The following NOS3 variants were observed in gnomAD, a reference collection of about 807,000 sequenced individuals.
NOS3 encodes nitric oxide synthase 3, also known as NOS type III.
In NOS3, 98 loss-of-function variants were observed where a neutral mutation model predicts 144.9. The ratio of observed to expected loss-of-function variants is 0.68; its 90% CI spans 0.57 to 0.80. NOS3 has a LOEUF of 0.80. Ranked by LOEUF, NOS3 falls within the 30% of genes least tolerant of loss-of-function variation. The probability of loss-of-function intolerance (pLI) is 0.00; values close to 1 mark genes in which losing one functional copy is unlikely to be tolerated. For missense variants in NOS3, 1,465 were observed against 1,656.4 expected, an observed-to-expected ratio of 0.88 and a Z score of 2.01; for synonymous variants, 714 against 702.4, an observed-to-expected ratio of 1.02 and a Z score of -0.26.
In NOS3 at chr7:150,999,100, G is replaced by A. The variant is rs549523090; in HGVS notation, c.956+15G>A. 3.0e-5 allele frequency: 48 copies of A among 1,612,552 alleles called. No individual in the cohort carries two copies. In the South Asian group the frequency reaches 4.9e-4, roughly 17 times the overall value. ...GAGCACCCCACGTGAGCACCAAAGG[G>A]ATTGACTGGGTGGGATGGAGGGGGC... On this transcript the variant is annotated intron_variant, in intron 8 of 26. Transcript: ENST00000297494.
intron 25 of NOS3, 73 bp downstream of exon 25, chr7:151,013,452 G>A (rs1221991069): frequency 3.3e-5 from 50 of 1,524,458 alleles, no homozygotes; most frequent in East Asian, 4.6e-5. Context: ...CTCCAGCGGG[G>A]CACACCAACC....
intron 21 of NOS3, 49 bp from the exon 22 acceptor site, chr7:151,010,548 A>G: frequency 2.0e-6 from 3 of 1,481,624 alleles, no homozygotes; most frequent in South Asian, 2.7e-5. Context: ...AAGGGAGGTT[A>G]CTAGGAAGGG....
At position 151,008,943 on chromosome 7, in the gene NOS3, C is replaced by A; in HGVS notation, c.2126C>A (p.Thr709Asn). The A allele has an allele frequency of 6.2e-7, 1 of 1,609,806 alleles. No individual in the cohort carries two copies. The highest frequency in any genetic ancestry group is 8.5e-7 in the Non-Finnish European group (1 of 1,178,784). Residue 709 changes from threonine to asparagine, a missense_variant, in exon 18 of 27, where the codon ACC becomes AAC. Thr to Asn is a moderately conservative substitution (Grantham distance 65). Transcript: ENST00000297494. Reference protein sequence around the residue: ...AQAAFQAACETFCVGEDAKAA... With the variant: ...AQAAFQAACENFCVGEDAKAA... The stretch of plus-strand genomic sequence containing the variant: ...CCTGTCCCGCAGGCCGCCTGTGAGA[C>A]CTTCTGTGTGGGAGAGGATGCCAAG...
chr7:151,011,967 C>A, intron 23 of NOS3: 1 of 290,702 alleles, frequency 3.4e-6, no homozygotes, highest in East Asian at 1.0e-4. Flanking sequence ...TTCAAATCCA[C>A]CCAGGTGGCT....
intron 14 of NOS3, among the ~76,000 whole-genome samples, chr7:151,004,206 G>A (rs1458761694): frequency 1.8e-4 from 28 of 152,250 alleles, no homozygotes; most frequent in Non-Finnish European, 3.2e-4. Flanking sequence ...GCATGGTGGC[G>A]CACGCCTATA....
At position 151,001,406 on chromosome 7, in the gene NOS3, C is replaced by A. The variant is rs1795092837; in HGVS notation, c.1409C>A (p.Ser470Tyr). The A allele has an allele frequency of 6.3e-7, 1 of 1,589,848 alleles. No homozygotes were observed. The highest frequency in any genetic ancestry group is 8.6e-7 in the Non-Finnish European group (1 of 1,166,770). ...FHQEMVNYFLSPAFRYQPDPW... is the reference protein window; with the variant it reads ...FHQEMVNYFLYPAFRYQPDPW... ...CAGGAGATGGTCAACTATTTCCTGT[C>A]CCCGGCCTTCCGCTACCAGGTGCCC... Residue 470 changes from serine to tyrosine, a missense_variant, in exon 11 of 27, where the codon TCC (serine) becomes TAC (tyrosine). Physicochemically the swap from Ser to Tyr is moderately radical, Grantham distance 144. Around this residue, in one of 5 missense-constraint regions of NOS3, gnomAD observed 745 missense variants for 853.9 expected, o/e 0.87. Transcript: ENST00000297494.
Position 151,006,947 on chromosome 7 carries a change from C to A in NOS3, c.1879C>A (p.Arg627=), listed in dbSNP as rs771851939. The change falls in exon 16 of 27, where the codon CGG becomes AGG. Residue 627 remains arginine, a synonymous_variant. Coordinates refer to ENST00000297494, the MANE Select transcript of NOS3 (RefSeq NM_000603.5). ...SCSDPLVSSW[R]RKRKESSNTD... The stretch of plus-strand genomic sequence containing the variant: ...CTCAGACCCACTGGTGTCCTCTTGG[C>A]GGCGGAAGAGGAAGGAGTCCAGTAA... 8.1e-6 allele frequency: 13 copies of A among 1,614,092 alleles called. No homozygotes were observed. The highest frequency in any genetic ancestry group is 1.1e-5 in the Non-Finnish European group (13 of 1,179,980).
rs527753775 is a variant in NOS3, at chr7:150,998,641, C to G, written c.777C>G (p.Gly259=). 217 of 1,608,356 alleles carry G rather than the reference C, an allele frequency of 1.3e-4. 3 individuals carry two copies. In the South Asian group the frequency reaches 2.2e-3, roughly 16 times the overall value. The change falls in exon 7 of 27, where the codon GGC becomes GGG. Residue 259 remains glycine, a synonymous_variant. Transcript: ENST00000297494. This position sits in a 1 kb window ranked among gnomAD's most constrained non-coding sequence, Gnocchi z 5.0. ...ACGCGGGCTACCGGCAGCAGGATGGCTCTGTGCGGGGGGACCCAGCCAACG... is the reference window on the plus strand; with the variant it reads ...ACGCGGGCTACCGGCAGCAGGATGGGTCTGTGCGGGGGGACCCAGCCAACG... The part of the protein sequence containing the change: ...VRYAGYRQQD[G]SVRGDPANVE...
rs150576137 is a variant in NOS3 at position 150,998,542 on chromosome 7, G to A, written c.678G>A (p.Ser226=). The A allele has an allele frequency of 2.8e-5, 45 of 1,610,556 alleles. No homozygotes were observed. Among genetic ancestry groups the A allele is most frequent in the African/African-American group, 2.4e-4 (18 of 75,022 alleles). Residue 226 remains serine (S), a synonymous_variant, in exon 7 of 27, where the codon TCG becomes TCA. Coordinates refer to ENST00000297494, the MANE Select transcript of NOS3 (RefSeq NM_000603.5). The surrounding 1 kb of genome is among the most constrained non-coding windows in gnomAD (Gnocchi z 5.0). ...KYATNRGNLR[S]AITVFPQRCP... ...GCTCTTTCCCCATGCGTGCCAGCTC[G>A]GCCATCACAGTGTTCCCGCAGCGCT...
intron 17 of NOS3, among the ~76,000 whole-genome samples, chr7:151,008,531 T>G (rs1171293386): frequency 2.0e-5 from 3 of 152,210 alleles, no homozygotes; most frequent in Admixed American, 6.5e-5. Flanking sequence ...GTATCTCATT[T>G]AATCTTCACC....
intron 23 of NOS3, 27 bp from the exon 24 acceptor site, chr7:151,012,324 G>A: frequency 1.3e-6 from 2 of 1,541,446 alleles, no homozygotes; most frequent in Non-Finnish European, 1.8e-6. Flanking sequence ...AGGCAAAGGG[G>A]ACCTGATGGA....
chr7:151,000,740 G>C (rs978431808), intron 10 of NOS3, 141 bp downstream of exon 10: 6 of 647,178 alleles, frequency 9.3e-6, no homozygotes, highest in African/African-American at 8.9e-5. Context: ...CCAGTGCCAT[G>C]GCGCACACTG....
chr7:151,000,580 C>A lies in NOS3; in HGVS notation c.1214C>A (p.Ala405Asp). The change falls in exon 10 of 27, where the codon GCC (alanine) becomes GAC (aspartate). Residue 405 changes from alanine to aspartate, a missense_variant. Physicochemically the swap from Ala to Asp is moderately radical, Grantham distance 126. Coordinates refer to ENST00000297494, the MANE Select transcript of NOS3 (RefSeq NM_000603.5). ...AAGGCAGCAGTGGAAATCAACGTGG[C>A]CGTGCTGCACAGTTACCAGGTGCAG... ...KDKAAVEINV[A>D]VLHSYQLAKV... is the part of the protein sequence containing the mutation. 6.2e-7 allele frequency: 1 copy of A among 1,612,516 alleles called. No homozygotes were observed. The highest frequency in any genetic ancestry group is 8.5e-7 in the Non-Finnish European group (1 of 1,179,046).
In NOS3 at chr7:151,014,020, T is replaced by C; in HGVS notation, c.3463T>C (p.Tyr1155His). Residue 1155 changes from tyrosine (Y) to histidine (H), a missense_variant, in exon 27 of 27, where the codon TAC becomes CAC. This residue lies in a region of NOS3 where 228 missense variants were observed against 227.7 expected (regional missense o/e 1.00). Transcript: ENST00000297494. ...VIGVLRDQQR[Y>H]HEDIFGLTLR... ...TCTTTTCCGACAGGATCAGCAACGC[T>C]ACCACGAAGACATTTTCGGGCTCAC... is the stretch of plus-strand genomic sequence containing the variant. 1.9e-6 allele frequency: 3 copies of C among 1,612,934 alleles called. No individual in the cohort carries two copies. Among genetic ancestry groups the C allele is most frequent in the Non-Finnish European group, 1.7e-6 (2 of 1,179,264 alleles).
chr7:151,010,097 C>A lies in NOS3; in HGVS notation c.2513-18C>A. ...CTGCTGGGCCCTGTCCTCAGAGCTC[C>A]CTGTGCACTATCCCCAGGTGGCCCT... On this transcript the variant is annotated intron_variant, in intron 20 of 26. Coordinates refer to ENST00000297494, the MANE Select transcript of NOS3 (RefSeq NM_000603.5). The A allele has an allele frequency of 6.4e-7, 1 of 1,554,162 alleles. No homozygotes were observed. The highest frequency in any genetic ancestry group is 8.8e-7 in the Non-Finnish European group (1 of 1,131,124).
intron 25 of NOS3, 51 bp from the exon 26 acceptor site, chr7:151,013,673 G>GGCC: frequency 7.0e-7 from 1 of 1,437,214 alleles, no homozygotes; most frequent in Non-Finnish European, 9.4e-7. Context: ...CCCGGGCTGC[G>GGCC]CCCCCGCGCC....
At chr7:151,006,248 C>T (rs944257917) in intron 14 of NOS3, among the ~76,000 whole-genome samples, 179 bp from the exon 15 acceptor site, 15 of 152,322 alleles carry the variant, frequency 9.8e-5, no homozygotes, top group Middle Eastern at 3.4e-3. Flanking sequence ...TGTCTTATCA[C>T]TTTACACATT....
Position 151,013,938 on chromosome 7 carries a change from GCCTGAGCGTGCGGGGTT to G in NOS3, c.3450+25_3450+41del. Reference sequence around the variant, plus strand: ...CTGCGGGTGCGGAGGGGCGGGCCGGGCCTGAGCGTGCGGGGTTCCTGCTAAGGTCTCCGAGTCGGGTT... The same window carrying G: ...CTGCGGGTGCGGAGGGGCGGGCCGGGCCTGCTAAGGTCTCCGAGTCGGGTT... On this transcript the variant is annotated intron_variant, in intron 26 of 26. Transcript: ENST00000297494. 3.8e-6 allele frequency: 6 copies of G among 1,599,214 alleles called. No individual in the cohort carries two copies. Among genetic ancestry groups the G allele is most frequent in the Non-Finnish European group, 5.1e-6 (6 of 1,172,836 alleles).
At chr7:151,004,768 G>A (rs182553063) in intron 14 of NOS3, among the ~76,000 whole-genome samples, 165 of 152,316 alleles carry the variant, frequency 1.1e-3, no homozygotes, top group African/African-American at 3.8e-3. Flanking sequence ...ATTAGGAGAG[G>A]AGTTAGTCAC....
Sources: allele counts gnomAD v4.1 joint callset (sites outside exome capture counted in the v4.1 genomes callset), GRCh38; gene constraint gnomAD v4.1.1; regional missense constraint gnomAD v4.1.1; non-coding constraint Gnocchi (gnomAD v3.1); transcripts MANE v1.5; gene names NCBI Gene and HGNC (gene_info 2026-07-23, HGNC 2026-07-21).